Variants in ZFHX3 observed in about 807,000 individuals in gnomAD.
ZFHX3 encodes zinc finger homeobox 3.
ZFHX3 carries 42 observed loss-of-function variants against 279.1 expected under a neutral mutation model. That is an observed-to-expected ratio of 0.15 (90% CI 0.12 to 0.19). ZFHX3 has a LOEUF of 0.19. Ranked by LOEUF, ZFHX3 falls within the 10% of genes least tolerant of loss-of-function variation. ZFHX3 has a pLI of 1.00. For synonymous variants in ZFHX3, 2,293 were observed against 1,957.8 expected (o/e 1.17, Z -4.52); for missense variants, 4,981 against 4,754.0 (o/e 1.05, Z -1.40).
intron 3 of ZFHX3, among the ~76,000 whole-genome samples, chr16:72,891,497 T>A (rs1020878054): frequency 1.3e-5 from 2 of 152,156 alleles, no homozygotes; most frequent in Admixed American, 6.5e-5. Context: ...AGAGAATGAA[T>A]GTGCACCTGG....
intron 2 of ZFHX3, among the ~76,000 whole-genome samples, chr16:73,479,374 G>A (rs962650587): frequency 2.0e-5 from 3 of 152,056 alleles, no homozygotes; most frequent in Non-Finnish European, 4.4e-5. Context: ...CCAAACCCCT[G>A]CCATACAAGT....
chr16:73,737,341 A>T lies in ZFHX3; in HGVS notation c.-1607-57101T>A, dbSNP rs574617718. 2.6e-5 allele frequency among the ~76,000 whole-genome samples: 4 copies of T among 152,206 alleles called. No homozygotes were observed. In the South Asian group the frequency reaches 8.3e-4, roughly 32 times the overall value. On this transcript the variant is annotated intron_variant, in intron 1 of 17. Transcript: ENST00000641206. ...CATGAGCCACTGCACTCAGCCTGTG[A>T]CTCCATTCTTGATAACAAATATGTT... is the stretch of plus-strand genomic sequence containing the variant.
intron 1 of ZFHX3, among the ~76,000 whole-genome samples, chr16:72,967,081 G>A (rs545051302): frequency 2.6e-5 from 4 of 152,310 alleles, no homozygotes; most frequent in South Asian, 2.1e-4. Context: ...TCATCTCTGA[G>A]TCCTCCACAT....
At chr16:73,432,486 T>C (rs1160958721) in intron 3 of ZFHX3, among the ~76,000 whole-genome samples, 2 of 152,210 alleles carry the variant, frequency 1.3e-5, no homozygotes, top group Non-Finnish European at 2.9e-5. Flanking sequence ...GGGAATCCTA[T>C]GTGATCCACT....
chr16:73,504,438 A>C (rs1026241067), intron 2 of ZFHX3: 1 of 152,186 alleles, frequency 6.6e-6, no homozygotes, highest in African/African-American at 2.4e-5. Context: ...TAGGTTTCAA[A>C]ACCAATTTTC....
intron 3 of ZFHX3, among the ~76,000 whole-genome samples, chr16:73,418,500 A>G (rs1226017691): frequency 6.6e-6 from 1 of 152,238 alleles, no homozygotes; most frequent in African/African-American, 2.4e-5. Flanking sequence ...GTTTCTGACA[A>G]TGAAATGTGT....
chr16:73,677,065 T>C (rs1352059993), intron 2 of ZFHX3, among the ~76,000 whole-genome samples: 1 of 152,008 alleles, frequency 6.6e-6, no homozygotes, highest in Admixed American at 6.5e-5. Flanking sequence ...GCTTTATAAT[T>C]AGTTAATTCT....
At chr16:73,364,323 A>G (rs2016490095) in intron 3 of ZFHX3, among the ~76,000 whole-genome samples, 1 of 150,348 alleles carries the variant, frequency 6.7e-6, no homozygotes, top group South Asian at 2.1e-4. Context: ...GTTTATTTAC[A>G]TTTTATAATA....
chr16:73,492,990 A>G (rs759397577), intron 2 of ZFHX3, among the ~76,000 whole-genome samples: 17 of 152,194 alleles, frequency 1.1e-4, no homozygotes, highest in Non-Finnish European at 2.4e-4. Context: ...TATACATTTT[A>G]TTATATATAA....
At chr16:73,489,679 A>G (rs1031880266) in intron 2 of ZFHX3, among the ~76,000 whole-genome samples, 5 of 152,360 alleles carry the variant, frequency 3.3e-5, no homozygotes, top group African/African-American at 9.6e-5. Flanking sequence ...ATTTATTTCA[A>G]AATAATCTCT....
At chr16:73,787,235 G>T (rs1217445133) in intron 1 of ZFHX3, among the ~76,000 whole-genome samples, 1 of 152,132 alleles carries the variant, frequency 6.6e-6, no homozygotes, top group African/African-American at 2.4e-5. Context: ...TCTCTGGAAT[G>T]CTAACAAATG....
intron 1 of ZFHX3, among the ~76,000 whole-genome samples, chr16:73,770,587 T>C (rs576537318): frequency 6.6e-6 from 1 of 152,298 alleles, no homozygotes; most frequent in East Asian, 1.9e-4. Context: ...TCATAAAAAG[T>C]AAGATATTGA....
chr16:72,878,892 G>T (rs1247763527), intron 4 of ZFHX3, among the ~76,000 whole-genome samples: 5 of 152,188 alleles, frequency 3.3e-5, no homozygotes, highest in Non-Finnish European at 5.9e-5. Context: ...TAGCCACATG[G>T]CACTGAGACA....
chr16:73,753,055 T>G (rs2053775485), intron 1 of ZFHX3, among the ~76,000 whole-genome samples: 1 of 152,210 alleles, frequency 6.6e-6, no homozygotes, highest in Non-Finnish European at 1.5e-5. Flanking sequence ...GTTGGTGATC[T>G]TGCTGCTTAA....
intron 1 of ZFHX3, among the ~76,000 whole-genome samples, chr16:73,775,871 G>T (rs936622714): frequency 1.3e-5 from 2 of 152,148 alleles, no homozygotes; most frequent in Admixed American, 6.5e-5. Flanking sequence ...ATTCTGGAGA[G>T]GTTGAAAAAT....
chr16:73,832,429 G>A (rs1349149752), intron 1 of ZFHX3, among the ~76,000 whole-genome samples: 1 of 152,134 alleles, frequency 6.6e-6, no homozygotes. Flanking sequence ...CTTAAGACTA[G>A]GGATAGAAGA....
intron 5 of ZFHX3, among the ~76,000 whole-genome samples, chr16:73,161,438 T>C (rs955593838): frequency 6.6e-5 from 10 of 152,254 alleles, no homozygotes; most frequent in Non-Finnish European, 1.2e-4. Flanking sequence ...TCATTTATCA[T>C]ACTGTCTTCA....
rs137966924 is a variant in ZFHX3, at chr16:73,114,075, C to T, written c.-897+16893G>A. ...CCTCCCAAAGTGCTGGGATTACCGA[C>T]GTGAGCTGCTGTGCCCGGCCATTTT... On this transcript the variant is annotated intron_variant, in intron 7 of 17. Coordinates refer to the ZFHX3 transcript ENST00000641206. Among the ~76,000 whole-genome samples, 201 of 151,798 alleles carry T rather than the reference C, an allele frequency of 1.3e-3. 2 individuals carry two copies. The highest frequency in any genetic ancestry group is 4.5e-3 in the African/African-American group (188 of 41,360).
At chr16:72,942,188 G>C (rs1240229491) in intron 3 of ZFHX3, among the ~76,000 whole-genome samples, 2 of 152,190 alleles carry the variant, frequency 1.3e-5, no homozygotes, top group Admixed American at 1.3e-4. Flanking sequence ...TCAGCAAGTT[G>C]AAAGAATTCA....
Sources: allele counts gnomAD v4.1 joint callset (sites outside exome capture counted in the v4.1 genomes callset), GRCh38; gene constraint gnomAD v4.1.1; transcripts MANE v1.5; gene names NCBI Gene and HGNC (gene_info 2026-07-23, HGNC 2026-07-21).